OBSL1: variants seen among roughly 807,000 people sequenced by gnomAD.
OBSL1 encodes the protein obscurin like cytoskeletal adaptor 1.
OBSL1 carries 160 observed loss-of-function variants against 172.0 expected under a neutral mutation model. The observed-to-expected ratio is 0.93, with a 90% CI of 0.82 to 1.06. OBSL1 has a LOEUF of 1.06. Ranked by LOEUF, OBSL1 falls within the 50% of genes least tolerant of loss-of-function variation. The pLI is 0.00. For missense variants in OBSL1, 2,681 were observed against 2,715.4 expected (o/e 0.99, Z 0.28); for synonymous variants, 1,200 against 1,196.3 (o/e 1.00, Z -0.06).
intron 16 of OBSL1, 141 bp from the exon 17 acceptor site, chr2:219,553,165 C>G (rs948248085): frequency 2.5e-6 from 3 of 1,206,322 alleles, no homozygotes; most frequent in Non-Finnish European, 3.3e-6. Flanking sequence ...AGGCTGGGGT[C>G]GGACTGTCCC....
intron 8 of OBSL1, among the ~76,000 whole-genome samples, chr2:219,561,353 C>T (rs1696451606): frequency 6.6e-6 from 1 of 152,090 alleles, no homozygotes; most frequent in South Asian, 2.1e-4. Flanking sequence ...ACCCCGAGGT[C>T]TCCGGCACTG....
downstream of OBSL1, chr2:219,547,702 G>A: frequency 6.4e-7 from 1 of 1,570,576 alleles, no homozygotes; most frequent in Non-Finnish European, 8.6e-7. Context: ...TCTTCCTGGT[G>A]GGGCTGCTGC....
rs1418247556 is a variant in OBSL1 at position 219,552,567 on chromosome 2, T to G, written c.5277A>C (p.Arg1759Ser). 1 of 1,594,976 alleles carries G rather than the reference T, an allele frequency of 6.3e-7. No homozygotes were observed. The part of the protein sequence containing the change: ...GRWELGGRPL[R>S]PGARVRIRQE... ...GTCGGATGCGGACGCGGGCTCCGGG[T>G]CTCAGCGGGCGGCCTCCGAGCTCCC... Residue 1759 changes from arginine to serine, a missense_variant, in exon 18 of 21, where the codon AGA (arginine) becomes AGC (serine). Coordinates refer to ENST00000404537, the MANE Select transcript of OBSL1 (RefSeq NM_015311.3).
At chr2:219,561,510 C>G (rs907142) in intron 8 of OBSL1, among the ~76,000 whole-genome samples, 95,981 of 152,002 alleles carry the variant, frequency 0.63, 30,920 homozygotes, top group East Asian at 0.83. Flanking sequence ...GGTCCCTAGA[C>G]TGGCCCTCAA....
At chr2:219,553,443 G>T (rs1321398829) in intron 16 of OBSL1, 131 bp downstream of exon 16, 2 of 738,694 alleles carry the variant, frequency 2.7e-6, no homozygotes, top group Non-Finnish European at 4.8e-6. Flanking sequence ...TTGGAGTAAG[G>T]GATTAAATAT....
chr2:219,562,922 T>C (rs1049238908), intron 7 of OBSL1: 1 of 555,880 alleles, frequency 1.8e-6, no homozygotes, highest in Non-Finnish European at 3.2e-6. Flanking sequence ...GCCTCGGCTG[T>C]AGAAACGCTC....
chr2:219,553,429 G>T, intron 16 of OBSL1, 145 bp downstream of exon 16: 1 of 699,864 alleles, frequency 1.4e-6, no homozygotes. Context: ...TCCTAGAGTT[G>T]TCCTTGGAGT....
chr2:219,557,247 C>T, intron 12 of OBSL1, 96 bp downstream of exon 12: 1 of 1,259,088 alleles, frequency 7.9e-7, no homozygotes, highest in Non-Finnish European at 1.1e-6. Context: ...GAGCCAGAAG[C>T]AGCAAAGCGG....
At chr2:219,547,587 A>G (rs764565598), downstream of OBSL1, 1 of 1,460,392 alleles carries the variant, frequency 6.8e-7, no homozygotes, top group South Asian at 1.5e-5. Context: ...TGCTACCGAG[A>G]GCGGGTGCTA....
rs1198575371 is a variant in OBSL1, at chr2:219,571,263, G to C, written c.-31C>G. 3.3e-6 allele frequency: 4 copies of C among 1,226,832 alleles called. No individual in the cohort carries two copies. Among genetic ancestry groups the C allele is most frequent in the Non-Finnish European group, 4.1e-6 (4 of 964,856 alleles). The allele number at this position is 1,226,832 out of a possible 1,614,324, so 76.0% of individuals were successfully genotyped here. The stretch of plus-strand genomic sequence containing the variant: ...CGGCCGACCGCCTGCAGCGGCGAAC[G>C]GTGGGGGGGCAGGGGGGGGTGCGGA... On this transcript the variant is annotated 5_prime_UTR_variant, in exon 1 of 21. Transcript: ENST00000404537.
At chr2:219,549,180 G>C (rs760934674), downstream of OBSL1, 1 of 1,613,982 alleles carries the variant, frequency 6.2e-7, no homozygotes, top group Non-Finnish European at 8.5e-7. Flanking sequence ...GCCGACGCGT[G>C]CAACTGATGC....
Position 219,563,422 on chromosome 2 carries a change from G to A in OBSL1, c.2613C>T (p.Pro871=). 3 of 1,612,468 alleles carry A rather than the reference G, an allele frequency of 1.9e-6. No individual in the cohort carries two copies. The highest frequency in any genetic ancestry group is 1.7e-6 in the Non-Finnish European group (2 of 1,178,964). The change falls in exon 7 of 21, where the codon CCC becomes CCT. Residue 871 remains proline (P), a synonymous_variant. Transcript: ENST00000404537. The part of the protein sequence containing the change: ...HRRLVLPATQ[P]SDGGEFQCVA... ...CGCACTGAAACTCGCCCCCGTCTGA[G>A]GGCTGGGTGGCGGGCAGCACCAGGC...
chr2:219,558,122 AG>A lies in OBSL1; in HGVS notation c.3503-13del. Reference sequence around the variant, plus strand: ...CTGCACTGGAGGCTCTGGAGAAGAGAGGAAGGTGTCATCCCATGCTTGCCCT... The same window carrying A: ...CTGCACTGGAGGCTCTGGAGAAGAGAGAAGGTGTCATCCCATGCTTGCCCT... On this transcript the variant is annotated splice_polypyrimidine_tract_variant and intron_variant, in intron 10 of 20. Coordinates refer to ENST00000404537, the MANE Select transcript of OBSL1 (RefSeq NM_015311.3). The A allele has an allele frequency of 6.2e-7, 1 of 1,612,678 alleles. No individual in the cohort carries two copies. The highest frequency in any genetic ancestry group is 8.5e-7 in the Non-Finnish European group (1 of 1,179,312).
At chr2:219,552,247 G>A (rs1290325575) in intron 18 of OBSL1, 31 bp from the exon 19 acceptor site, 1 of 1,551,378 alleles carries the variant, frequency 6.4e-7, no homozygotes. Flanking sequence ...AGCGAGGCCG[G>A]AGCCACCTCT....
chr2:219,551,383 C>G (rs1695600348), intron 20 of OBSL1, 146 bp downstream of exon 20: 1 of 1,355,090 alleles, frequency 7.4e-7, no homozygotes, highest in Non-Finnish European at 9.8e-7. Flanking sequence ...GTGTGCTCTA[C>G]CCCTCCCCTC....
rs1288418520 is a variant in OBSL1 at position 219,562,656 on chromosome 2, A to G, written c.2699T>C (p.Val900Ala). The part of the protein sequence containing the change: ...VTITDVSSWI[V>A]YPSGKVYVAA... Reference sequence around the variant, plus strand: ...CACATACACCTTGCCGCTGGGATACACGATCCACGAGGAGACGTCTGGAGG... The same window carrying G: ...CACATACACCTTGCCGCTGGGATACGCGATCCACGAGGAGACGTCTGGAGG... The change falls in exon 8 of 21, where the codon GTG becomes GCG. Residue 900 changes from valine to alanine, a missense_variant. Physicochemically the swap from Val to Ala is moderately conservative, Grantham distance 64. Around this residue, in one of 5 missense-constraint regions of OBSL1, gnomAD observed 1,765 missense variants for 1,748.3 expected, o/e 1.01. Transcript: ENST00000404537. 6.4e-7 allele frequency: 1 copy of G among 1,556,312 alleles called. No individual in the cohort carries two copies. Among genetic ancestry groups the G allele is most frequent in the Non-Finnish European group, 8.7e-7 (1 of 1,150,956 alleles).
chr2:219,552,028 C>T (rs1448827243), intron 19 of OBSL1, 84 bp downstream of exon 19: 8 of 1,379,988 alleles, frequency 5.8e-6, no homozygotes, highest in Non-Finnish European at 8.1e-6. Context: ...AGGCAGCGTT[C>T]TTGGGGCCAG....
At position 219,551,714 on chromosome 2, in the gene OBSL1, G is replaced by T; in HGVS notation, c.5498C>A (p.Ser1833Tyr). The T allele has an allele frequency of 6.2e-7, 1 of 1,610,192 alleles. No individual in the cohort carries two copies. The highest frequency in any genetic ancestry group is 8.5e-7 in the Non-Finnish European group (1 of 1,178,860). Residue 1833 changes from serine (S) to tyrosine (Y), a missense_variant, in exon 20 of 21, where the codon TCC becomes TAC. Ser to Tyr is a moderately radical substitution (Grantham distance 144). Coordinates refer to ENST00000404537, the MANE Select transcript of OBSL1 (RefSeq NM_015311.3). ...GRRAVLEVTV[S>Y]RSGGHVCWLR... is the part of the protein sequence containing the mutation. ...CCAGCACACGTGGCCCCCCGAGCGGGACACAGTCACCTCCAGCACCGCCCG... is the reference window on the plus strand; with the variant it reads ...CCAGCACACGTGGCCCCCCGAGCGGTACACAGTCACCTCCAGCACCGCCCG...
chr2:219,570,724 TC>T lies in OBSL1; in HGVS notation c.508del (p.Glu170LysfsTer88). 1 of 1,511,062 alleles carries T rather than the reference TC, an allele frequency of 6.6e-7. No individual in the cohort carries two copies. The highest frequency in any genetic ancestry group is 8.8e-7 in the Non-Finnish European group (1 of 1,136,484). The allele number at this position is 1,511,062 out of a possible 1,614,324, so 93.6% of individuals were successfully genotyped here. A position where few individuals can be genotyped will look rare whatever the true frequency, so the allele number is the denominator to read the frequency against. ...YWEKDGMALD[E>X]VWDSSHFALQ... ...CGCGAAGTGGCTGCTGTCCCACACT[TC>T]GTCCAGGGCCATCCCGTCCTTCTCC... On this transcript the variant is annotated frameshift_variant, in exon 1 of 21. Coordinates refer to ENST00000404537, the MANE Select transcript of OBSL1 (RefSeq NM_015311.3). LOFTEE classifies it high-confidence loss of function.
Sources: gnomAD v4.1 joint callset for allele counts (sites outside exome capture counted in the v4.1 genomes callset) on GRCh38, gnomAD v4.1.1 for gene constraint, gnomAD v4.1.1 regional missense constraint, MANE v1.5 for transcripts, NCBI Gene and HGNC (gene_info 2026-07-23, HGNC 2026-07-21) for gene names.